Variants in LIPC observed in about 807,000 individuals in gnomAD.
LIPC encodes lipase C, hepatic type.
Under a neutral mutation model 50.7 loss-of-function variants are expected in LIPC, and 44 were observed. The ratio of observed to expected loss-of-function variants is 0.87; its 90% confidence interval spans 0.68 to 1.11. LIPC has a LOEUF of 1.11. Ranked by LOEUF, LIPC falls within the 50% of genes most tolerant of loss-of-function variation. The pLI is 0.00. For synonymous variants in LIPC, 271 were observed against 256.4 expected (o/e 1.06, Z -0.54); for missense variants, 697 against 648.2 (o/e 1.08, Z -0.82).
intron 1 of LIPC, among the ~76,000 whole-genome samples, chr15:58,512,825 T>C (rs1460756287): frequency 6.6e-6 from 1 of 151,944 alleles, no homozygotes; most frequent in African/African-American, 2.4e-5. Flanking sequence ...GTACTTACAG[T>C]CAATGTGAGG....
At chr15:58,466,157 G>A (rs970794443) in intron 1 of LIPC, among the ~76,000 whole-genome samples, 6 of 152,206 alleles carry the variant, frequency 3.9e-5, no homozygotes, top group East Asian at 1.9e-4. Context: ...GTTACTAGTC[G>A]TGAGATATCT....
At chr15:58,495,339 G>T (rs1891729453) in intron 1 of LIPC, among the ~76,000 whole-genome samples, 1 of 152,166 alleles carries the variant, frequency 6.6e-6, no homozygotes, top group Admixed American at 6.6e-5. Flanking sequence ...GCAGCTCCCT[G>T]CCAAAAACAA....
chr15:58,462,900 C>T (rs532567695), intron 1 of LIPC, among the ~76,000 whole-genome samples: 13 of 152,330 alleles, frequency 8.5e-5, no homozygotes, highest in Admixed American at 2.0e-4. Flanking sequence ...GAGTTATTGG[C>T]GGAGTTATTC....
At chr15:58,458,003 G>A (rs1894198374) in intron 1 of LIPC, among the ~76,000 whole-genome samples, 1 of 152,152 alleles carries the variant, frequency 6.6e-6, no homozygotes, top group African/African-American at 2.4e-5. Context: ...TTCTCATCAG[G>A]AATATGTGTA....
intron 1 of LIPC, among the ~76,000 whole-genome samples, chr15:58,458,002 G>A (rs1894198295): frequency 6.6e-6 from 1 of 152,128 alleles, no homozygotes; most frequent in Admixed American, 6.5e-5. Context: ...TTTCTCATCA[G>A]GAATATGTGT....
chr15:58,505,606 G>T (rs1892123494), intron 1 of LIPC, among the ~76,000 whole-genome samples: 1 of 152,104 alleles, frequency 6.6e-6, no homozygotes, highest in Non-Finnish European at 1.5e-5. Context: ...TCTCTTTATT[G>T]TACCAAGATC....
At chr15:58,553,825 T>C (rs536955901) in intron 6 of LIPC, among the ~76,000 whole-genome samples, 1 of 152,278 alleles carries the variant, frequency 6.6e-6, no homozygotes, top group African/African-American at 2.4e-5. Flanking sequence ...GGCTGCCTTC[T>C]TTGGGCAGCA....
chr15:58,501,420 A>T (rs1891981770), intron 1 of LIPC, among the ~76,000 whole-genome samples: 1 of 137,410 alleles, frequency 7.3e-6, no homozygotes, highest in Non-Finnish European at 1.6e-5. Flanking sequence ...ACCCACCAGT[A>T]TTTTTTTGTT....
chr15:58,508,076 T>C (rs1027580089), intron 1 of LIPC, among the ~76,000 whole-genome samples: 3 of 152,208 alleles, frequency 2.0e-5, no homozygotes, highest in Non-Finnish European at 4.4e-5. Context: ...TCAGTCTTTC[T>C]TCCTGTGATA....
chr15:58,542,817 G>A (rs1338959773), intron 4 of LIPC, among the ~76,000 whole-genome samples, 166 bp downstream of exon 4: 1 of 152,164 alleles, frequency 6.6e-6, no homozygotes, highest in Non-Finnish European at 1.5e-5. Flanking sequence ...CCAATGTCAT[G>A]GATTGCTGTT....
At chr15:58,456,669 G>A (rs1001238109) in intron 1 of LIPC, among the ~76,000 whole-genome samples, 1 of 152,216 alleles carries the variant, frequency 6.6e-6, no homozygotes, top group African/African-American at 2.4e-5. Context: ...CCACACTGGG[G>A]ATCTGCCCGC....
chr15:58,525,094 T>G (rs540868991), intron 1 of LIPC, among the ~76,000 whole-genome samples: 1 of 152,208 alleles, frequency 6.6e-6, no homozygotes, highest in Admixed American at 6.5e-5. Flanking sequence ...TTTTTCCTGA[T>G]GTATGATGAG....
chr15:58,436,522 AAAG>A (rs1290328868), intron 1 of LIPC: 45 of 284,558 alleles, frequency 1.6e-4, no homozygotes, highest in African/African-American at 9.7e-4. Flanking sequence ...CTTTATAACT[AAAG>A]AAGAAATCGA....
At chr15:58,531,231 A>G (rs1480780672) in intron 1 of LIPC, among the ~76,000 whole-genome samples, 1 of 152,164 alleles carries the variant, frequency 6.6e-6, no homozygotes, top group African/African-American at 2.4e-5. Flanking sequence ...TAATGATGTT[A>G]AGCACATTTT....
chr15:58,525,513 C>T (rs529968153), intron 1 of LIPC, among the ~76,000 whole-genome samples: 2 of 152,342 alleles, frequency 1.3e-5, no homozygotes, highest in East Asian at 3.9e-4. Flanking sequence ...TATATGCCTG[C>T]AGGCATCCAA....
intron 6 of LIPC, among the ~76,000 whole-genome samples, chr15:58,552,779 G>C (rs550138920): frequency 1.6e-4 from 25 of 152,356 alleles, no homozygotes; most frequent in Admixed American, 7.8e-4. Flanking sequence ...GACAGCACAG[G>C]CTTGGGGTTG....
In LIPC at chr15:58,548,519, G is replaced by T. The variant is rs200889722; in HGVS notation, c.998G>T (p.Arg333Leu). Reference protein sequence around the residue: ...TLGYHVRQEPRSKSKRLFLVT... With the variant: ...TLGYHVRQEPLSKSKRLFLVT... ...GGCTACCACGTCCGCCAGGAGCCGCGGAGCAAGAGCAAGAGGCTCTTCCTC... is the reference window on the plus strand; with the variant it reads ...GGCTACCACGTCCGCCAGGAGCCGCTGAGCAAGAGCAAGAGGCTCTTCCTC... The change falls in exon 6 of 9, where the codon CGG becomes CTG. Residue 333 changes from arginine (R) to leucine (L), a missense_variant. Arg to Leu is a moderately radical substitution (Grantham distance 102). Coordinates refer to ENST00000299022, the MANE Select transcript of LIPC (RefSeq NM_000236.3). 1 of 1,601,562 alleles carries T rather than the reference G, an allele frequency of 6.2e-7. No individual in the cohort carries two copies. Among genetic ancestry groups the T allele is most frequent in the Non-Finnish European group, 8.5e-7 (1 of 1,173,794 alleles).
chr15:58,513,136 G>A (rs999060495), intron 1 of LIPC, among the ~76,000 whole-genome samples: 10 of 152,130 alleles, frequency 6.6e-5, no homozygotes, highest in Admixed American at 6.5e-4. Flanking sequence ...GTTCCGCTCA[G>A]CACAGTCTGG....
chr15:58,483,380 G>C (rs552369344), intron 1 of LIPC, among the ~76,000 whole-genome samples: 1 of 152,130 alleles, frequency 6.6e-6, no homozygotes, highest in Admixed American at 6.5e-5. Flanking sequence ...GGCTCAGATC[G>C]GATATTTGGC....
Sources: allele counts gnomAD v4.1 joint callset (sites outside exome capture counted in the v4.1 genomes callset), GRCh38; gene constraint gnomAD v4.1.1; transcripts MANE v1.5; gene names NCBI Gene and HGNC (gene_info 2026-07-23, HGNC 2026-07-21).